SLIT2: variants seen among roughly 807,000 people sequenced by gnomAD.
SLIT2 encodes slit guidance ligand 2.
A neutral mutation model predicts 185.7 loss-of-function variants in SLIT2; 41 were observed. The observed-to-expected ratio is 0.22, with a 90% confidence interval of 0.17 to 0.29. SLIT2 has a LOEUF of 0.29. Ranked by LOEUF, SLIT2 falls within the 10% of genes least tolerant of loss-of-function variation. The pLI is 1.00. For missense variants in SLIT2, 1,571 were observed against 1,909.0 expected (o/e 0.82, Z 3.30); for synonymous variants, 693 against 680.2 (o/e 1.02, Z -0.29).
At chr4:20,466,563 C>G (rs1343592069) in intron 4 of SLIT2, among the ~76,000 whole-genome samples, 1 of 152,092 alleles carries the variant, frequency 6.6e-6, no homozygotes, top group African/African-American at 2.4e-5. Context: ...TTGCTTAAAA[C>G]TTGGTGCTAA....
chr4:20,458,894 G>T (rs1391565615), intron 4 of SLIT2, among the ~76,000 whole-genome samples: 1 of 152,162 alleles, frequency 6.6e-6, no homozygotes, highest in Non-Finnish European at 1.5e-5. Flanking sequence ...GTTAGTAGTT[G>T]CTCAATAAAT....
chr4:20,581,505 A>C (rs1726563432), intron 29 of SLIT2, among the ~76,000 whole-genome samples: 1 of 152,110 alleles, frequency 6.6e-6, no homozygotes, highest in South Asian at 2.1e-4. Context: ...ATGTCACCAA[A>C]AGGTAATTCC....
At chr4:20,283,120 GCACACA>G (rs55949957) in intron 4 of SLIT2, among the ~76,000 whole-genome samples, 15 of 149,846 alleles carry the variant, frequency 1.0e-4, no homozygotes, top group Non-Finnish European at 1.3e-4. Context: ...GTGCGCGCGC[GCACACA>G]CACACACACA....
At chr4:20,494,157 G>A (rs115982550) in intron 9 of SLIT2, among the ~76,000 whole-genome samples, 4,334 of 152,310 alleles carry the variant, frequency 0.028, 109 homozygotes, top group Admixed American at 0.07. Context: ...AGAATGCAAG[G>A]CAGAAGGCCT....
intron 4 of SLIT2, among the ~76,000 whole-genome samples, chr4:20,357,848 A>G (rs1415897907): frequency 6.6e-6 from 1 of 152,124 alleles, no homozygotes; most frequent in Non-Finnish European, 1.5e-5. Flanking sequence ...AAACTTTGCT[A>G]GCCCTTTATT....
chr4:20,617,340 T>G (rs992464690), intron 35 of SLIT2, 99 bp from the exon 36 acceptor site: 1 of 1,380,026 alleles, frequency 7.2e-7, no homozygotes, highest in Non-Finnish European at 1.0e-6. Flanking sequence ...ACTCTGTCCC[T>G]CATATTTTCT....
chr4:20,265,372 C>T (rs1212739974), intron 3 of SLIT2, among the ~76,000 whole-genome samples: 1 of 151,674 alleles, frequency 6.6e-6, no homozygotes, highest in African/African-American at 2.4e-5. Context: ...TTTGTATAAC[C>T]ATTTAACCTT....
At chr4:20,509,619 A>C (rs1719522334) in intron 9 of SLIT2, among the ~76,000 whole-genome samples, 1 of 152,108 alleles carries the variant, frequency 6.6e-6, no homozygotes, top group Admixed American at 6.5e-5. Flanking sequence ...AGAACAGAGG[A>C]GAAGGGGATG....
intron 4 of SLIT2, among the ~76,000 whole-genome samples, chr4:20,352,039 A>G (rs1390842151): frequency 6.6e-6 from 1 of 152,174 alleles, no homozygotes; most frequent in Non-Finnish European, 1.5e-5. Context: ...ATGACATTAT[A>G]TCTGCTGCTT....
At chr4:20,569,441 C>T (rs1026874870) in intron 29 of SLIT2, among the ~76,000 whole-genome samples, 1 of 151,946 alleles carries the variant, frequency 6.6e-6, no homozygotes, top group African/African-American at 2.4e-5. Flanking sequence ...CCTCTAGTAA[C>T]CCATGTCCCT....
In SLIT2 at chr4:20,484,588, A is replaced by G. The variant is rs948244216; in HGVS notation, c.540-1612A>G. Among the ~76,000 whole-genome samples, 1 of 152,118 alleles carries G rather than the reference A, an allele frequency of 6.6e-6. No individual in the cohort carries two copies. The highest frequency in any genetic ancestry group is 2.4e-5 in the African/African-American group (1 of 41,430). The stretch of plus-strand genomic sequence containing the variant: ...CCTGTTTTACTGAAAAGTTTTTGTC[A>G]ATCTCTTGACCTCTGAACGCACCAT... On this transcript the variant is annotated intron_variant, in intron 6 of 36. Coordinates refer to ENST00000504154, the MANE Select transcript of SLIT2 (RefSeq NM_004787.4). This position sits in a 1 kb window ranked among gnomAD's most constrained non-coding sequence, Gnocchi z 4.3.
At chr4:20,547,609 C>T (rs1723362289) in intron 22 of SLIT2, among the ~76,000 whole-genome samples, 1 of 151,302 alleles carries the variant, frequency 6.6e-6, no homozygotes, top group Non-Finnish European at 1.5e-5. Context: ...CTGAATCTTC[C>T]ATTTATTCAT....
intron 4 of SLIT2, among the ~76,000 whole-genome samples, chr4:20,457,945 A>G (rs1560439635): frequency 1.3e-5 from 2 of 152,094 alleles, no homozygotes; most frequent in Non-Finnish European, 2.9e-5. Context: ...ATTTTTTCCT[A>G]GTTAGAGAAA....
chr4:20,495,230 A>T (rs1718127020), intron 9 of SLIT2, among the ~76,000 whole-genome samples: 1 of 152,222 alleles, frequency 6.6e-6, no homozygotes, highest in Non-Finnish European at 1.5e-5. Flanking sequence ...TTTTTGAAAA[A>T]GACAATTGTT....
At chr4:20,370,147 C>G (rs1723456031) in intron 4 of SLIT2, among the ~76,000 whole-genome samples, 2 of 151,978 alleles carry the variant, frequency 1.3e-5, no homozygotes. Context: ...TGAGAACCCC[C>G]TACCTTACAT....
intron 29 of SLIT2, chr4:20,573,343 C>T (rs1323500935): frequency 1.0e-5 from 7 of 700,766 alleles, no homozygotes; most frequent in Non-Finnish European, 1.8e-5. Context: ...ACTGCGGGTA[C>T]ACAGTAAAAA....
intron 5 of SLIT2, among the ~76,000 whole-genome samples, chr4:20,471,461 G>T (rs1389080803): frequency 6.6e-6 from 1 of 152,090 alleles, no homozygotes; most frequent in Non-Finnish European, 1.5e-5. Context: ...TTCATCCCAT[G>T]TGTCATGCTA....
At chr4:20,366,134 T>G (rs541844655) in intron 4 of SLIT2, among the ~76,000 whole-genome samples, 5 of 152,282 alleles carry the variant, frequency 3.3e-5, no homozygotes, top group African/African-American at 1.2e-4. Context: ...CTTGTCATTC[T>G]TAATCTCATC....
intron 33 of SLIT2, among the ~76,000 whole-genome samples, chr4:20,599,524 T>C (rs1728249031): frequency 6.6e-6 from 1 of 152,184 alleles, no homozygotes; most frequent in Admixed American, 6.6e-5. Context: ...TTATTATAAA[T>C]AGCCTTGATG....
Sources: gnomAD v4.1 joint callset for allele counts (sites outside exome capture counted in the v4.1 genomes callset) on GRCh38, gnomAD v4.1.1 for gene constraint, Gnocchi (gnomAD v3.1) non-coding constraint, MANE v1.5 for transcripts, NCBI Gene and HGNC (gene_info 2026-07-23, HGNC 2026-07-21) for gene names.